Variants in XYLT1 observed in about 807,000 individuals in gnomAD.
The protein encoded by XYLT1 is beta-D-xylosyltransferase 1.
A neutral mutation model predicts 91.3 loss-of-function variants in XYLT1; 36 were observed. The ratio of observed to expected loss-of-function variants is 0.39; its 90% CI spans 0.30 to 0.52. The LOEUF (loss-of-function observed/expected upper bound fraction) is 0.52. Among genes scored for constraint, XYLT1 ranks in the 20% least tolerant of loss-of-function variants. XYLT1 has a pLI of 0.68. For synonymous variants in XYLT1, 588 were observed against 532.0 expected, an observed-to-expected ratio of 1.11 and a Z score of -1.45; for missense variants, 1,242 against 1,284.5, an observed-to-expected ratio of 0.97 and a Z score of 0.51.
At chr16:17,415,135 GT>G (rs1423076498) in intron 1 of XYLT1, among the ~76,000 whole-genome samples, 1 of 152,098 alleles carries the variant, frequency 6.6e-6, no homozygotes. Context: ...GGTTAAGCAG[GT>G]TTCCCCCAAA....
At chr16:17,170,520 C>T (rs1055197084) in intron 5 of XYLT1, among the ~76,000 whole-genome samples, 9 of 152,152 alleles carry the variant, frequency 5.9e-5, no homozygotes, top group Non-Finnish European at 8.8e-5. Flanking sequence ...TTTGTCCATA[C>T]CATCCCTAAT....
At chr16:17,284,475 A>G (rs1247661015) in intron 2 of XYLT1, among the ~76,000 whole-genome samples, 1 of 152,240 alleles carries the variant, frequency 6.6e-6, no homozygotes, top group Admixed American at 6.5e-5. Flanking sequence ...AAAGAAAGAT[A>G]AGACAGGAGA....
At chr16:17,165,514 G>A (rs2031656504) in intron 5 of XYLT1, among the ~76,000 whole-genome samples, 1 of 145,566 alleles carries the variant, frequency 6.9e-6, no homozygotes, top group African/African-American at 2.7e-5. Flanking sequence ...GTGAAACCTG[G>A]TCTCTACTAA....
intron 1 of XYLT1, among the ~76,000 whole-genome samples, chr16:17,414,113 AC>A (rs773821711): frequency 1.3e-5 from 2 of 152,046 alleles, no homozygotes; most frequent in Non-Finnish European, 2.9e-5. Flanking sequence ...AAACCAAAAA[AC>A]CAGGGCCTCC....
At chr16:17,396,937 G>A (rs760053082) in intron 1 of XYLT1, among the ~76,000 whole-genome samples, 2 of 152,122 alleles carry the variant, frequency 1.3e-5, no homozygotes, top group African/African-American at 2.4e-5. Flanking sequence ...GATTCAGCTC[G>A]TGGCCTATTT....
intron 1 of XYLT1, among the ~76,000 whole-genome samples, chr16:17,373,854 T>C (rs75710934): frequency 0.01 from 1,530 of 152,308 alleles, 23 homozygotes; most frequent in Admixed American, 0.047. Context: ...GTAATACCTA[T>C]AAAATTCAAC....
intron 1 of XYLT1, among the ~76,000 whole-genome samples, chr16:17,375,254 G>A (rs759287292): frequency 5.3e-5 from 8 of 151,948 alleles, no homozygotes; most frequent in Admixed American, 2.6e-4. Flanking sequence ...ATTAATCCTC[G>A]CAACATCTCT....
At chr16:17,188,161 G>C (rs1214519973) in intron 5 of XYLT1, among the ~76,000 whole-genome samples, 1 of 152,050 alleles carries the variant, frequency 6.6e-6, no homozygotes, top group Non-Finnish European at 1.5e-5. Flanking sequence ...AGAATAGGGG[G>C]CTCTGTGGAT....
At chr16:17,227,660 G>A (rs1343576940) in intron 3 of XYLT1, 2 of 152,286 alleles carry the variant, frequency 1.3e-5, no homozygotes, top group Non-Finnish European at 2.9e-5. Flanking sequence ...GGGGAGTGAT[G>A]TGAGGAGAAG....
chr16:17,220,724 C>T lies in XYLT1; in HGVS notation c.914-20070G>A, dbSNP rs571941470. ...CTGATCTCAGGTGAGTCACCCGCCT[C>T]GGCCTCTCAAAGTGTTGGGATAACA... On this transcript the variant is annotated intron_variant, in intron 3 of 11. Transcript: ENST00000261381. 1.2e-4 allele frequency among the ~76,000 whole-genome samples: 19 copies of T among 152,300 alleles called. No individual in the cohort carries two copies. The East Asian group carries it at 1.9e-3, about 15-fold the overall frequency.
intron 2 of XYLT1, among the ~76,000 whole-genome samples, chr16:17,315,711 CA>C (rs2034620697): frequency 6.6e-6 from 1 of 152,194 alleles, no homozygotes; most frequent in South Asian, 2.1e-4. Flanking sequence ...GAATTAGCTT[CA>C]GGTTAGAAAA....
At chr16:17,259,596 G>T (rs899391433) in intron 2 of XYLT1, 98 bp from the exon 3 acceptor site, 1 of 1,422,580 alleles carries the variant, frequency 7.0e-7, no homozygotes, top group Non-Finnish European at 9.5e-7. Context: ...CTTGGAAGCC[G>T]GGGCCATAGT....
At chr16:17,377,651 A>C (rs1000517318) in intron 1 of XYLT1, among the ~76,000 whole-genome samples, 2 of 152,036 alleles carry the variant, frequency 1.3e-5, no homozygotes, top group Admixed American at 6.6e-5. Flanking sequence ...TCAGCCTCTC[A>C]TAAACGCTCT....
intron 1 of XYLT1, among the ~76,000 whole-genome samples, chr16:17,376,655 C>T (rs899793669): frequency 7.9e-5 from 12 of 151,904 alleles, no homozygotes; most frequent in African/African-American, 2.7e-4. Flanking sequence ...GGTGAAACCC[C>T]GTCTCCACTA....
At chr16:17,353,994 C>T (rs542056968) in intron 2 of XYLT1, among the ~76,000 whole-genome samples, 14 of 152,282 alleles carry the variant, frequency 9.2e-5, no homozygotes, top group African/African-American at 3.4e-4. Context: ...ACCTGTGTAA[C>T]CATGGCATTT....
At position 17,152,972 on chromosome 16, in the gene XYLT1, T is replaced by C. The variant is rs751860994; in HGVS notation, c.1370+5857A>G. Among the ~76,000 whole-genome samples, 22 of 152,170 alleles carry C rather than the reference T, an allele frequency of 1.4e-4. 1 individual carries two copies. Among genetic ancestry groups the C allele is most frequent in the Non-Finnish European group, 1.8e-4 (12 of 68,018 alleles). ...CTAACTTTCATCACATGCCCACTTA[T>C]AAAGGGCCCAAAAGAATCTCCCATG... On this transcript the variant is annotated intron_variant, in intron 6 of 11. Coordinates refer to ENST00000261381, the MANE Select transcript of XYLT1 (RefSeq NM_022166.4).
At chr16:17,261,241 CA>C (rs10573500) in intron 2 of XYLT1, among the ~76,000 whole-genome samples, 51,131 of 96,432 alleles carry the variant, frequency 0.53, 11,439 homozygotes, top group Middle Eastern at 0.63. Flanking sequence ...AACTGGCTCT[CA>C]AAAAAAAAAA....
chr16:17,195,203 G>A (rs530032107), intron 5 of XYLT1, among the ~76,000 whole-genome samples: 11 of 152,258 alleles, frequency 7.2e-5, no homozygotes, highest in South Asian at 4.2e-4. Flanking sequence ...ATGATGCTAC[G>A]CATCCTGCAA....
At chr16:17,220,425 G>T (rs1275899050) in intron 3 of XYLT1, among the ~76,000 whole-genome samples, 2 of 152,178 alleles carry the variant, frequency 1.3e-5, no homozygotes, top group Non-Finnish European at 2.9e-5. Flanking sequence ...GCCGGGATTG[G>T]AGGCAGTCTG....
Sources: gnomAD v4.1 joint callset for allele counts (sites outside exome capture counted in the v4.1 genomes callset) on GRCh38, gnomAD v4.1.1 for gene constraint, MANE v1.5 for transcripts, NCBI Gene and HGNC (gene_info 2026-07-23, HGNC 2026-07-21) for gene names.